The following LRP4 variants were observed in gnomAD, a reference collection of about 807,000 sequenced individuals.
LRP4 encodes the protein low-density lipoprotein receptor-related protein 4.
A neutral mutation model predicts 220.3 loss-of-function variants in LRP4; 95 were observed. That is an observed-to-expected ratio of 0.43 (90% CI 0.37 to 0.51). The LOEUF is 0.51. Ranked by LOEUF, LRP4 falls within the 20% of genes least tolerant of loss-of-function variation. The pLI is 0.00. For missense variants in LRP4, 1,925 were observed against 2,567.0 expected (o/e 0.75, Z 5.40); for synonymous variants, 903 against 954.6 (o/e 0.95, Z 1.00).
rs1278728228 is a variant in LRP4, at chr11:46,873,014, T to C, written c.4583+86A>G. 7 of 1,563,932 alleles carry C rather than the reference T, an allele frequency of 4.5e-6. No individual in the cohort carries two copies. The highest frequency in any genetic ancestry group is 6.2e-6 in the Non-Finnish European group (7 of 1,136,102). ...TCCCCACATACCAAGAAGCTTTCTATCTTTTCATTTTTCCAAGGTTAATCT... is the reference window on the plus strand; with the variant it reads ...TCCCCACATACCAAGAAGCTTTCTACCTTTTCATTTTTCCAAGGTTAATCT... On this transcript the variant is annotated intron_variant, in intron 30 of 37. Coordinates refer to ENST00000378623, the MANE Select transcript of LRP4 (RefSeq NM_002334.4). This position sits in a 1 kb window ranked among gnomAD's most constrained non-coding sequence, Gnocchi z 4.2.
chr11:46,882,900 A>C (rs1360696335), intron 19 of LRP4, among the ~76,000 whole-genome samples: 1 of 152,014 alleles, frequency 6.6e-6, no homozygotes, highest in Non-Finnish European at 1.5e-5. Context: ...AGATCTATAC[A>C]CTCAACTGGA....
chr11:46,904,241 T>C (rs1051952168), intron 1 of LRP4, among the ~76,000 whole-genome samples: 1 of 152,128 alleles, frequency 6.6e-6, no homozygotes, highest in African/African-American at 2.4e-5. Flanking sequence ...CAGCTCGAAA[T>C]TGTCACCCCT....
intron 22 of LRP4, among the ~76,000 whole-genome samples, chr11:46,878,227 C>T (rs1941064621): frequency 6.7e-6 from 1 of 149,290 alleles, no homozygotes; most frequent in African/African-American, 2.5e-5. Context: ...TTGTAGATAT[C>T]ATACATTTCT....
chr11:46,897,979 C>G (rs12796505), intron 7 of LRP4, among the ~76,000 whole-genome samples: 2 of 135,844 alleles, frequency 1.5e-5, no homozygotes, highest in African/African-American at 2.8e-5. Flanking sequence ...ACCTCCCGGA[C>G]GGGGCGGCTG....
rs1032687984 is a variant in LRP4, at chr11:46,858,490, T to C, written c.*493A>G. 1 of 215,636 alleles carries C rather than the reference T, an allele frequency of 4.6e-6. No homozygotes were observed. The highest frequency in any genetic ancestry group is 9.5e-6 in the Non-Finnish European group (1 of 105,336). The allele number at this position is 215,636 out of a possible 1,614,324, so 13.4% of individuals were successfully genotyped here. ...CAGATGCCCATACCTGCTGGGCTGATTCTTCCTTCTTCTCTCAGCCTCTAT... is the reference window on the plus strand; with the variant it reads ...CAGATGCCCATACCTGCTGGGCTGACTCTTCCTTCTTCTCTCAGCCTCTAT... On this transcript the variant is annotated 3_prime_UTR_variant, in exon 38 of 38. Coordinates refer to ENST00000378623, the MANE Select transcript of LRP4 (RefSeq NM_002334.4).
chr11:46,877,317 G>A lies in LRP4; in HGVS notation c.3159C>T (p.Phe1053=), dbSNP rs369751423. The A allele has an allele frequency of 1.2e-5, 19 of 1,613,984 alleles. No individual in the cohort carries two copies. The highest frequency in any genetic ancestry group is 9.3e-5 in the African/African-American group (7 of 74,916). ...CCATGCGAATGTCTATCCTCCTGGC[G>A]AAGATGAGGAAACTGTTCATGCCTG... ...CSPGMNSFLI[F]ARRIDIRMVS... The change falls in exon 23 of 38, where the codon TTC becomes TTT. Residue 1053 remains phenylalanine, a synonymous_variant. Transcript: ENST00000378623.
rs1396772380 is a variant in LRP4 at position 46,895,898 on chromosome 11, C to T, written c.1169G>A (p.Gly390Glu). Reference sequence around the variant, plus strand: ...CCCCAGCTCACCTTGGCACGTGTGCCCATCCTCTGTGAGCCGGTAGCCTGT... The same window carrying T: ...CCCCAGCTCACCTTGGCACGTGTGCTCATCCTCTGTGAGCCGGTAGCCTGT... ...CHTGYRLTED[G>E]HTCQDVNECA... The change falls in exon 10 of 38, where the codon GGG (glycine) becomes GAG (glutamate). Residue 390 changes from glycine (G) to glutamate (E), a missense_variant. Gly to Glu is a moderately conservative substitution (Grantham distance 98). This residue lies in a region of LRP4 where 269 missense variants were observed against 436.7 expected (regional missense o/e 0.62). Transcript: ENST00000378623. 2 of 1,613,262 alleles carry T rather than the reference C, an allele frequency of 1.2e-6. No individual in the cohort carries two copies. Among genetic ancestry groups the T allele is most frequent in the South Asian group, 1.1e-5 (1 of 91,076 alleles).
intron 8 of LRP4, 51 bp downstream of exon 8, chr11:46,896,818 T>G: frequency 6.2e-7 from 1 of 1,613,196 alleles, no homozygotes; most frequent in South Asian, 1.1e-5. Flanking sequence ...TTTTCCACCC[T>G]TCCACCCCAA....
Position 46,889,478 on chromosome 11 carries a change from A to G in LRP4, c.2148T>C (p.Ser716=). The G allele has an allele frequency of 6.2e-7, 1 of 1,614,086 alleles. No homozygotes were observed. The highest frequency in any genetic ancestry group is 8.5e-7 in the Non-Finnish European group (1 of 1,180,028). Residue 716 remains serine (S), a synonymous_variant, in exon 16 of 38, where the codon AGT becomes AGC. Coordinates refer to ENST00000378623, the MANE Select transcript of LRP4 (RefSeq NM_002334.4). ...NGGCTHLCLP[S]GQNYTCACPT... is the part of the protein sequence containing the mutation. ...GGCAGGCACAGGTGTAGTTCTGGCC[A>G]CTGGGCAGACACAGGTGCGTGCAGC...
intron 37 of LRP4, among the ~76,000 whole-genome samples, chr11:46,860,585 T>C (rs1940519505): frequency 6.6e-6 from 1 of 152,246 alleles, no homozygotes; most frequent in Admixed American, 6.5e-5. Flanking sequence ...CAACTGTGGC[T>C]GTGGCTCTAT....
At chr11:46,877,642 AT>A (rs1302149938) in intron 22 of LRP4, among the ~76,000 whole-genome samples, 1 of 151,566 alleles carries the variant, frequency 6.6e-6, no homozygotes, top group Non-Finnish European at 1.5e-5. Context: ...TAATTTTTGT[AT>A]TTTTTTGTAG....
chr11:46,894,518 G>A, intron 12 of LRP4, 71 bp downstream of exon 12: 1 of 1,211,290 alleles, frequency 8.3e-7, no homozygotes, highest in Non-Finnish European at 1.2e-6. Flanking sequence ...GCAAACCACT[G>A]GCCTATTCCT....
rs377204138 is a variant in LRP4, at chr11:46,859,051, T to C, written c.5650A>G (p.Arg1884Gly). The part of the protein sequence containing the change: ...SSVHTAATPE[R>G]RGSLPDTGWK... ...CCCGTGTCTGGCAGAGAGCCTCGTC[T>C]TTCTGGAGTGGCTGCAGTATGGACG... Residue 1884 changes from arginine (R) to glycine (G), a missense_variant, in exon 38 of 38, where the codon AGA becomes GGA. Physicochemically the swap from Arg to Gly is moderately radical, Grantham distance 125. Coordinates refer to ENST00000378623, the MANE Select transcript of LRP4 (RefSeq NM_002334.4). The C allele has an allele frequency of 6.8e-5, 109 of 1,614,060 alleles. No individual in the cohort carries two copies. Among genetic ancestry groups the C allele is most frequent in the Non-Finnish European group, 8.1e-5 (96 of 1,180,026 alleles).
intron 1 of LRP4, among the ~76,000 whole-genome samples, chr11:46,906,420 C>T (rs1476112304): frequency 6.6e-6 from 1 of 150,848 alleles, no homozygotes; most frequent in Non-Finnish European, 1.5e-5. Context: ...CACGCCACTG[C>T]ACTGCAGCCT....
rs71042636 is a variant in LRP4, at chr11:46,909,611, CA to C, written c.53-6683del. ...TGGGCGACAGAGCGAGACTCCGTCT[CA>C]AAAAAAAAAAAAAAAAAAAAAAAAA... On this transcript the variant is annotated intron_variant, in intron 1 of 37. Coordinates refer to ENST00000378623, the MANE Select transcript of LRP4 (RefSeq NM_002334.4). Among the ~76,000 whole-genome samples, 80 of 46,086 alleles carry C rather than the reference CA, an allele frequency of 1.7e-3. 1 individual carries two copies. Among genetic ancestry groups the C allele is most frequent in the East Asian group, 0.011 (21 of 1,902 alleles). The allele number at this position is 46,086 out of a possible 152,430, so 30.2% of individuals were successfully genotyped here.
chr11:46,910,679 C>T (rs974158741), intron 1 of LRP4, among the ~76,000 whole-genome samples: 3 of 6,992 alleles, frequency 4.3e-4, no homozygotes. Flanking sequence ...ATCCTTGCCC[C>T]CTTTTTTTTT....
intron 1 of LRP4, among the ~76,000 whole-genome samples, chr11:46,908,439 G>A (rs1941797354): frequency 6.6e-6 from 1 of 152,152 alleles, no homozygotes; most frequent in Non-Finnish European, 1.5e-5. Context: ...CCACTTTACA[G>A]CTGGGGACAA....
chr11:46,898,896 G>C lies in LRP4; in HGVS notation c.676+8C>G. The C allele has an allele frequency of 1.2e-6, 2 of 1,613,762 alleles. No homozygotes were observed. The highest frequency in any genetic ancestry group is 1.7e-6 in the Non-Finnish European group (2 of 1,180,010). ...CCTCCCCACCTCCCAGCTGGCCAGAGTACTCACAGCAGTCAGACTCGTCTG... is the reference window on the plus strand; with the variant it reads ...CCTCCCCACCTCCCAGCTGGCCAGACTACTCACAGCAGTCAGACTCGTCTG... On this transcript the variant is annotated splice_region_variant and intron_variant, in intron 6 of 37. Transcript: ENST00000378623.
chr11:46,911,841 C>CTT (rs540593524), intron 1 of LRP4, among the ~76,000 whole-genome samples: 37,671 of 118,742 alleles, frequency 0.32, 8,003 homozygotes, highest in Non-Finnish European at 0.43. Flanking sequence ...TGGGAATCTT[C>CTT]TTTTTTTTTT....
Sources: allele counts gnomAD v4.1 joint callset (sites outside exome capture counted in the v4.1 genomes callset), GRCh38; gene constraint gnomAD v4.1.1; regional missense constraint gnomAD v4.1.1; non-coding constraint Gnocchi (gnomAD v3.1); transcripts MANE v1.5; gene names NCBI Gene and HGNC (gene_info 2026-07-23, HGNC 2026-07-21).